Variants in C12orf43 observed in about 807,000 individuals in gnomAD.
C12orf43 encodes chromosome 12 open reading frame 43, also known as protein CUSTOS.
In C12orf43, 15 loss-of-function variants were observed where a neutral mutation model predicts 20.6. That is an observed-to-expected ratio of 0.73 (90% CI 0.49 to 1.12). C12orf43 has a LOEUF of 1.12. Among genes scored for constraint, C12orf43 ranks in the 50% most tolerant of loss-of-function variants. C12orf43 has a pLI of 0.00. For synonymous variants in C12orf43, 144 were observed against 130.8 expected, an observed-to-expected ratio of 1.10 and a Z score of -0.69; for missense variants, 334 against 344.4, an observed-to-expected ratio of 0.97 and a Z score of 0.24.
rs978160925 is a variant in C12orf43 at position 121,005,177 on chromosome 12, A to G, written c.362-84T>C. On this transcript the variant is annotated intron_variant, in intron 4 of 5. Coordinates refer to ENST00000288757, the MANE Select transcript of C12orf43 (RefSeq NM_022895.3). The surrounding 1 kb of genome is among the most constrained non-coding windows in gnomAD (Gnocchi z 5.6). ...AAAATAAAAAATAAAGAAACAAAAA[A>G]GAAAAAAATTTTAAAAAGGAAAACG... 1 of 814,618 alleles carries G rather than the reference A, an allele frequency of 1.2e-6. No individual in the cohort carries two copies. Among genetic ancestry groups the G allele is most frequent in the Non-Finnish European group, 1.7e-6 (1 of 594,334 alleles). The allele number at this position is 814,618 out of a possible 1,614,324, so 50.5% of individuals were successfully genotyped here. A position where few individuals can be genotyped will look rare whatever the true frequency, so the allele number is the denominator to read the frequency against.
At chr12:121,010,131 G>A (rs749473593) in intron 3 of C12orf43, among the ~76,000 whole-genome samples, 1 of 152,144 alleles carries the variant, frequency 6.6e-6, no homozygotes, top group African/African-American at 2.4e-5. Flanking sequence ...GTGAAACCCC[G>A]TCTCTACTAA....
Position 121,002,772 on chromosome 12 carries a change from G to T in C12orf43, c.*1381C>A, listed in dbSNP as rs1242105520. 8.5e-6 allele frequency: 2 copies of T among 234,402 alleles called. No individual in the cohort carries two copies. Among genetic ancestry groups the T allele is most frequent in the Admixed American group, 1.1e-4 (2 of 18,096 alleles). 14.5% of individuals were successfully genotyped at this position (234,402 alleles called of 1,614,324 possible). On this transcript the variant is annotated 3_prime_UTR_variant, in exon 6 of 6. Coordinates refer to ENST00000288757, the MANE Select transcript of C12orf43 (RefSeq NM_022895.3). The stretch of plus-strand genomic sequence containing the variant: ...GGCTGGACTGCAGTGGCATTATACA[G>T]CTCACTGCAGCCTTGAACTCCTGGA...
rs559428017 is a variant in C12orf43, at chr12:121,003,992, G to A, written c.*161C>T. 3.7e-4 allele frequency: 294 copies of A among 800,316 alleles called. 2 individuals carry two copies. In the East Asian group the frequency reaches 5.1e-3, roughly 14 times the overall value. The allele number at this position is 800,316 out of a possible 1,614,324, so 49.6% of individuals were successfully genotyped here. On this transcript the variant is annotated 3_prime_UTR_variant, in exon 6 of 6. Coordinates refer to ENST00000288757, the MANE Select transcript of C12orf43 (RefSeq NM_022895.3). ...CAGCCACTTTTTTGGCCCAACTCTC[G>A]AGCAAGCCTTCATCACCATCAGGGT...
chr12:121,015,772 C>T (rs983693493), intron 1 of C12orf43, among the ~76,000 whole-genome samples: 1 of 152,188 alleles, frequency 6.6e-6, no homozygotes, highest in Non-Finnish European at 1.5e-5. Context: ...TGGCTTAGTG[C>T]TTGCAAGACG....
chr12:121,013,094 A>G (rs1403206403), intron 1 of C12orf43, among the ~76,000 whole-genome samples: 1 of 152,180 alleles, frequency 6.6e-6, no homozygotes, highest in Non-Finnish European at 1.5e-5. Context: ...GTCATCACCC[A>G]TACACATTGC....
In C12orf43 at chr12:121,006,215, C is replaced by CAA. The variant is rs1491562908; in HGVS notation, c.361+104_361+105dup. On this transcript the variant is annotated intron_variant, in intron 4 of 5. Coordinates refer to ENST00000288757, the MANE Select transcript of C12orf43 (RefSeq NM_022895.3). ...TAGGTGGCAGAGAGAGTTCCTATCT[C>CAA]AAAAAAAGAAAAAAAAAAAAGAATA... The CAA allele has an allele frequency of 7.2e-4, 671 of 937,322 alleles. 1 individual carries two copies. The highest frequency in any genetic ancestry group is 9.5e-4 in the Admixed American group (30 of 31,614). The allele number at this position is 937,322 out of a possible 1,614,324, so 58.1% of individuals were successfully genotyped here. A position where few individuals can be genotyped will look rare whatever the true frequency, so the allele number is the denominator to read the frequency against.
At position 121,004,364 on chromosome 12, in the gene C12orf43, A is replaced by G; in HGVS notation, c.578T>C (p.Leu193Ser). 6.2e-7 allele frequency: 1 copy of G among 1,613,892 alleles called. No homozygotes were observed. The highest frequency in any genetic ancestry group is 8.5e-7 in the Non-Finnish European group (1 of 1,179,974). ...VEKEAKKKRK[L>S]KKKAKKVASV... ...GGCCACCTTCTTGGCTTTCTTTTTC[A>G]ACTTCCTTTTCTTCTTTGCCTCCTT... Residue 193 changes from leucine (L) to serine (S), a missense_variant, in exon 6 of 6, where the codon TTG becomes TCG. Physicochemically the swap from Leu to Ser is moderately radical, Grantham distance 145. Coordinates refer to ENST00000288757, the MANE Select transcript of C12orf43 (RefSeq NM_022895.3). This position sits in a 1 kb window ranked among gnomAD's most constrained non-coding sequence, Gnocchi z 5.6.
chr12:121,001,575 A>G lies in C12orf43; in HGVS notation c.*2578T>C, dbSNP rs1877487375. On this transcript the variant is annotated 3_prime_UTR_variant, in exon 6 of 6. Transcript: ENST00000288757. ...ACCGCTACACCACTCTGGCAGCCAC[A>G]CTTCTCAGGACACAGGCCTGTGTAG... The G allele has an allele frequency of 6.8e-6, 3 of 439,054 alleles. No homozygotes were observed. Among genetic ancestry groups the G allele is most frequent in the Non-Finnish European group, 1.3e-5 (3 of 231,270 alleles). The allele number at this position is 439,054 out of a possible 1,614,324, so 27.2% of individuals were successfully genotyped here. A position where few individuals can be genotyped will look rare whatever the true frequency, so the allele number is the denominator to read the frequency against.
Position 121,001,288 on chromosome 12 carries a change from C to T in C12orf43, c.*2865G>A. The stretch of plus-strand genomic sequence containing the variant: ...TGGAGGACCTGAGCCTGCCGAGCAA[C>T]CGTGGCCCTTCCTGGACAGCTGTGC... On this transcript the variant is annotated 3_prime_UTR_variant, in exon 6 of 6. Coordinates refer to ENST00000288757, the MANE Select transcript of C12orf43 (RefSeq NM_022895.3). 6.8e-7 allele frequency: 1 copy of T among 1,468,328 alleles called. No homozygotes were observed. The highest frequency in any genetic ancestry group is 1.9e-5 in the Admixed American group (1 of 53,838). 91.0% of individuals were successfully genotyped at this position (1,468,328 alleles called of 1,614,324 possible).
chr12:121,016,396 G>T lies in C12orf43; in HGVS notation c.79C>A (p.Arg27Ser). 6.2e-7 allele frequency: 1 copy of T among 1,613,972 alleles called. No individual in the cohort carries two copies. The change falls in exon 1 of 6, where the codon CGC becomes AGC. Residue 27 changes from arginine (R) to serine (S), a missense_variant. Physicochemically the swap from Arg to Ser is moderately radical, Grantham distance 110. Transcript: ENST00000288757. ...SSDAEELERC[R>S]EAAMPAWGLE... is the part of the protein sequence containing the mutation. ...CCCCAAGCCGGCATTGCCGCCTCGCGGCACCGCTCCAGCTCCTCCGCATCG... is the reference window on the plus strand; with the variant it reads ...CCCCAAGCCGGCATTGCCGCCTCGCTGCACCGCTCCAGCTCCTCCGCATCG...
In C12orf43 at chr12:121,003,789, C is replaced by G. The variant is rs1877725025; in HGVS notation, c.*364G>C. Reference sequence around the variant, plus strand: ...GGAGGTGGTGGGGAAGGTCTCCCTTCCCCTGCCCACCTCAGACAGTTCTAG... The same window carrying G: ...GGAGGTGGTGGGGAAGGTCTCCCTTGCCCTGCCCACCTCAGACAGTTCTAG... On this transcript the variant is annotated 3_prime_UTR_variant, in exon 6 of 6. Transcript: ENST00000288757. The G allele has an allele frequency of 4.0e-6, 1 of 247,296 alleles. No individual in the cohort carries two copies. The highest frequency in any genetic ancestry group is 7.8e-6 in the Non-Finnish European group (1 of 127,550). The allele number at this position is 247,296 out of a possible 1,614,324, so 15.3% of individuals were successfully genotyped here.
Position 121,004,984 on chromosome 12 carries a change from G to T in C12orf43, c.452+19C>A. 1 of 1,511,166 alleles carries T rather than the reference G, an allele frequency of 6.6e-7. No individual in the cohort carries two copies. 93.6% of individuals were successfully genotyped at this position (1,511,166 alleles called of 1,614,324 possible). A position where few individuals can be genotyped will look rare whatever the true frequency, so the allele number is the denominator to read the frequency against. On this transcript the variant is annotated intron_variant, in intron 5 of 5. Coordinates refer to ENST00000288757, the MANE Select transcript of C12orf43 (RefSeq NM_022895.3). This position sits in a 1 kb window ranked among gnomAD's most constrained non-coding sequence, Gnocchi z 5.6. ...AGGAGAAAAAAGGAGGGGACGTGAG[G>T]AGAGGTGTGAGTTCTCACCTGGAGC... is the stretch of plus-strand genomic sequence containing the variant.
intron 3 of C12orf43, among the ~76,000 whole-genome samples, chr12:121,009,979 T>G (rs1402384551): frequency 2.6e-5 from 4 of 152,132 alleles, no homozygotes; most frequent in South Asian, 2.1e-4. Flanking sequence ...TCTCTTACTC[T>G]CATGGTTGCA....
At position 121,004,275 on chromosome 12, in the gene C12orf43, A is replaced by C. The variant is rs1420892985; in HGVS notation, c.667T>G (p.Ser223Ala). The C allele has an allele frequency of 1.2e-6, 2 of 1,613,900 alleles. No homozygotes were observed. The highest frequency in any genetic ancestry group is 1.1e-5 in the South Asian group (1 of 91,068). Residue 223 changes from serine to alanine, a missense_variant, in exon 6 of 6, where the codon TCA (serine) becomes GCA (alanine). Transcript: ENST00000288757. The surrounding 1 kb of genome is among the most constrained non-coding windows in gnomAD (Gnocchi z 5.6). ...TSMATVQKQK[S>A]GELNGDQVSL... ...ACCTGGTCCCCGTTGAGCTCACCTG[A>C]CTTCTGCTTCTGGACTGTGGCCATG...
Position 121,010,878 on chromosome 12 carries a change from G to A in C12orf43, c.237C>T (p.Thr79=), listed in dbSNP as rs755767722. 2 of 1,613,966 alleles carry A rather than the reference G, an allele frequency of 1.2e-6. No individual in the cohort carries two copies. Among genetic ancestry groups the A allele is most frequent in the Admixed American group, 3.3e-5 (2 of 59,990 alleles). ...HEQDGNELQT[T]PEFRAHVAKK... The stretch of plus-strand genomic sequence containing the variant: ...TGGCTACGTGGGCTCGGAATTCAGG[G>A]GTGGTCTGAAGCTCGTTGCCATCTT... Residue 79 remains threonine, a synonymous_variant, in exon 3 of 6, where the codon ACC becomes ACT. Coordinates refer to ENST00000288757, the MANE Select transcript of C12orf43 (RefSeq NM_022895.3).
intron 1 of C12orf43, among the ~76,000 whole-genome samples, chr12:121,014,297 A>T (rs555965404): frequency 3.3e-5 from 5 of 151,868 alleles, no homozygotes; most frequent in Non-Finnish European, 7.4e-5. Flanking sequence ...GCGCCATTGC[A>T]CTCCAGCCTT....
chr12:121,001,376 G>C lies in C12orf43; in HGVS notation c.*2777C>G. The C allele has an allele frequency of 1.4e-6, 1 of 720,700 alleles. No homozygotes were observed. Among genetic ancestry groups the C allele is most frequent in the Non-Finnish European group, 2.3e-6 (1 of 437,278 alleles). The allele number at this position is 720,700 out of a possible 1,614,324, so 44.6% of individuals were successfully genotyped here. ...GGGCTCTGAGGCGCCCCAACCCGTG[G>C]AGGCTGCTCGGGGTGCACAGGAGGG... On this transcript the variant is annotated 3_prime_UTR_variant, in exon 6 of 6. Transcript: ENST00000288757.
At chr12:121,006,690 C>A in intron 3 of C12orf43, 1 of 316,740 alleles carries the variant, frequency 3.2e-6, no homozygotes, top group Non-Finnish European at 6.1e-6. Flanking sequence ...GTAATCCTAG[C>A]ACTTTGGGAG....
chr12:121,011,428 A>T (rs1411629375), intron 1 of C12orf43, among the ~76,000 whole-genome samples: 1 of 148,192 alleles, frequency 6.7e-6, no homozygotes, highest in Non-Finnish European at 1.5e-5. Flanking sequence ...CTTAAAATAT[A>T]TATATAACTT....
Sources: gnomAD v4.1 joint callset for allele counts (sites outside exome capture counted in the v4.1 genomes callset) on GRCh38, gnomAD v4.1.1 for gene constraint, Gnocchi (gnomAD v3.1) non-coding constraint, MANE v1.5 for transcripts, NCBI Gene and HGNC (gene_info 2026-07-23, HGNC 2026-07-21) for gene names.